KDM4C: variants seen among roughly 807,000 people sequenced by gnomAD.
KDM4C encodes lysine demethylase 4C, also known as lysine-specific demethylase 4C.
A neutral mutation model predicts 129.3 loss-of-function variants in KDM4C; 81 were observed. The observed-to-expected ratio is 0.63, with a 90% CI of 0.52 to 0.75. The LOEUF (loss-of-function observed/expected upper bound fraction) is 0.75, where lower values mean the gene tolerates loss of function less well. Ranked by LOEUF, KDM4C falls within the 30% of genes least tolerant of loss-of-function variation. KDM4C has a pLI of 0.00. For missense variants in KDM4C, 1,457 were observed against 1,304.0 expected (o/e 1.12, Z -1.81); for synonymous variants, 573 against 456.1 (o/e 1.26, Z -3.26).
chr9:6,771,436 C>T (rs561898795), intron 1 of KDM4C, among the ~76,000 whole-genome samples: 225 of 151,904 alleles, frequency 1.5e-3, no homozygotes, highest in African/African-American at 5.2e-3. Context: ...CTCAGCCTCC[C>T]GACCAGCTTG....
chr9:6,837,705 T>TA (rs1326270798), intron 4 of KDM4C, among the ~76,000 whole-genome samples: 1 of 152,226 alleles, frequency 6.6e-6, no homozygotes, highest in African/African-American at 2.4e-5. Context: ...TATTTGGAAT[T>TA]CTTTATTCTG....
At chr9:6,728,488 C>G (rs574584824) in intron 1 of KDM4C, among the ~76,000 whole-genome samples, 26 of 150,688 alleles carry the variant, frequency 1.7e-4, no homozygotes, top group Non-Finnish European at 2.2e-4. Context: ...GAACTGAGAT[C>G]ACGCCACTGC....
intron 13 of KDM4C, 24 bp downstream of exon 13, chr9:7,011,903 TC>T (rs1822780376): frequency 1.3e-6 from 2 of 1,591,462 alleles, no homozygotes; most frequent in African/African-American, 1.3e-5. Flanking sequence ...CTATCATAGT[TC>T]CCTTCACTGC....
At chr9:6,863,960 C>T (rs1166291628) in intron 5 of KDM4C, among the ~76,000 whole-genome samples, 1 of 152,092 alleles carries the variant, frequency 6.6e-6, no homozygotes, top group Non-Finnish European at 1.5e-5. Context: ...CCCATTAGGC[C>T]CCACCTCCAA....
At chr9:6,867,609 C>A (rs1842241211) in intron 5 of KDM4C, among the ~76,000 whole-genome samples, 2 of 152,096 alleles carry the variant, frequency 1.3e-5, no homozygotes, top group Admixed American at 1.3e-4. Flanking sequence ...TGGCATCTTT[C>A]CCTGTTTTAT....
At chr9:6,875,022 G>A (rs1298050483) in intron 5 of KDM4C, among the ~76,000 whole-genome samples, 1 of 152,016 alleles carries the variant, frequency 6.6e-6, no homozygotes, top group Non-Finnish European at 1.5e-5. Context: ...TGAGGATGCA[G>A]TTGCTGGTCC....
chr9:6,911,497 G>C (rs1196072652), intron 8 of KDM4C, among the ~76,000 whole-genome samples: 1 of 152,138 alleles, frequency 6.6e-6, no homozygotes, highest in Non-Finnish European at 1.5e-5. Flanking sequence ...AAATAAGCTA[G>C]TACATTAGTG....
At chr9:6,743,839 C>G (rs1265961394) in intron 1 of KDM4C, among the ~76,000 whole-genome samples, 2 of 151,982 alleles carry the variant, frequency 1.3e-5, no homozygotes, top group Non-Finnish European at 2.9e-5. Context: ...GAATCTGCAG[C>G]TAGTCAAATT....
intron 17 of KDM4C, among the ~76,000 whole-genome samples, chr9:7,099,638 C>G (rs1363308250): frequency 6.6e-6 from 1 of 152,208 alleles, no homozygotes; most frequent in East Asian, 1.9e-4. Context: ...AAAGTGTGAG[C>G]TGTGGATCAA....
rs771968244 is a variant in KDM4C, at chr9:6,851,961, G to A, written c.629+2261G>A. On this transcript the variant is annotated intron_variant, in intron 5 of 21. Transcript: ENST00000381309. ...ATTAAGTATACAGCCTCCATCAGAC[G>A]CATTAAGAGTAGATTTATACTGTCA... 9.2e-5 allele frequency among the ~76,000 whole-genome samples: 14 copies of A among 152,246 alleles called. No individual in the cohort carries two copies. The South Asian group carries it at 1.9e-3, about 20-fold the overall frequency.
chr9:7,030,424 G>A (rs1046416992), intron 15 of KDM4C, among the ~76,000 whole-genome samples: 2 of 152,104 alleles, frequency 1.3e-5, no homozygotes, highest in Non-Finnish European at 2.9e-5. Flanking sequence ...CCCATAGAAT[G>A]TACAACACCA....
At chr9:7,016,259 C>G (rs1823653929) in intron 15 of KDM4C, among the ~76,000 whole-genome samples, 1 of 151,974 alleles carries the variant, frequency 6.6e-6, no homozygotes, top group Non-Finnish European at 1.5e-5. Context: ...TCCCAAGTAG[C>G]TGGGACTACA....
chr9:6,918,728 A>G lies in KDM4C; in HGVS notation c.921+25496A>G, dbSNP rs181703209. ...TAATAGGAATTCTGACTGGTTTGAGATGGTAGCTCATTGTGGTTTTGATTT... is the reference window on the plus strand; with the variant it reads ...TAATAGGAATTCTGACTGGTTTGAGGTGGTAGCTCATTGTGGTTTTGATTT... On this transcript the variant is annotated intron_variant, in intron 8 of 21. Transcript: ENST00000381309. 3.3e-5 allele frequency among the ~76,000 whole-genome samples: 5 copies of G among 152,204 alleles called. No homozygotes were observed. The East Asian group carries it at 5.8e-4, about 18-fold the overall frequency.
At position 6,862,839 on chromosome 9, in the gene KDM4C, C is replaced by CAAA. The variant is rs1554613996; in HGVS notation, c.629+13143_629+13145dup. Among the ~76,000 whole-genome samples the CAAA allele has an allele frequency of 3.1e-3, 464 of 149,214 alleles. 1 individual carries two copies. The highest frequency in any genetic ancestry group is 0.011 in the African/African-American group (440 of 40,182). ...ACAAACAAACAAACAAACAAACAAACAAAAAACAAAAAAAAATTCAATCAT... is the reference window on the plus strand; with the variant it reads ...ACAAACAAACAAACAAACAAACAAACAAAAAAAAACAAAAAAAAATTCAATCAT... On this transcript the variant is annotated intron_variant, in intron 5 of 21. Coordinates refer to ENST00000381309, the MANE Select transcript of KDM4C (RefSeq NM_015061.6).
chr9:6,805,825 T>G, intron 3 of KDM4C, 51 bp downstream of exon 3: 1 of 1,523,854 alleles, frequency 6.6e-7, no homozygotes, highest in Non-Finnish European at 8.9e-7. Flanking sequence ...TTTATGTAAA[T>G]ATGTTAAGAA....
chr9:6,971,322 T>C lies in KDM4C; in HGVS notation c.922-9603T>C, dbSNP rs1441171237. ...TTTCAGCTGCATTTATGATTCCTTT[T>C]TGGATTTATTCCAGTTTGGATTTAA... On this transcript the variant is annotated intron_variant, in intron 8 of 21. Transcript: ENST00000381309. Among the ~76,000 whole-genome samples the C allele has an allele frequency of 2.0e-5, 3 of 152,218 alleles. No homozygotes were observed. The East Asian group carries it at 5.8e-4, about 29-fold the overall frequency.
chr9:7,030,871 T>G (rs1373375502), intron 15 of KDM4C, among the ~76,000 whole-genome samples: 1 of 152,168 alleles, frequency 6.6e-6, no homozygotes, highest in Non-Finnish European at 1.5e-5. Flanking sequence ...ATGAAAAATG[T>G]AAGAGCACTT....
chr9:7,055,681 C>G (rs557626906), intron 17 of KDM4C, among the ~76,000 whole-genome samples: 2 of 152,284 alleles, frequency 1.3e-5, no homozygotes, highest in South Asian at 4.2e-4. Flanking sequence ...GGAGAAAATA[C>G]AATCACACTT....
chr9:6,721,759 T>C (rs893722461), intron 1 of KDM4C, among the ~76,000 whole-genome samples: 1 of 151,948 alleles, frequency 6.6e-6, no homozygotes, highest in African/African-American at 2.4e-5. Context: ...CGGCTAATTT[T>C]TTGTATTTTT....
Sources: gnomAD v4.1 joint callset for allele counts (sites outside exome capture counted in the v4.1 genomes callset) on GRCh38, gnomAD v4.1.1 for gene constraint, MANE v1.5 for transcripts, NCBI Gene and HGNC (gene_info 2026-07-23, HGNC 2026-07-21) for gene names.